The following CCDC146 variants were observed in gnomAD, a reference collection of about 807,000 sequenced individuals.
CCDC146 encodes coiled-coil domain-containing protein 146.
A neutral mutation model predicts 119.3 loss-of-function variants in CCDC146; 92 were observed. The observed-to-expected ratio is 0.77, with a 90% confidence interval of 0.65 to 0.92. The LOEUF (loss-of-function observed/expected upper bound fraction) is 0.92. Ranked by LOEUF, CCDC146 falls within the 40% of genes least tolerant of loss-of-function variation. The pLI, the probability that CCDC146 is intolerant of heterozygous loss-of-function variation, is 0.00. For missense variants in CCDC146, 1,000 were observed against 1,103.0 expected, an observed-to-expected ratio of 0.91 and a Z score of 1.32; for synonymous variants, 372 against 371.8, an observed-to-expected ratio of 1.00 and a Z score of -0.01.
At chr7:77,215,083 G>A (rs1040593904) in intron 2 of CCDC146, among the ~76,000 whole-genome samples, 10 of 152,166 alleles carry the variant, frequency 6.6e-5, no homozygotes, top group Admixed American at 5.2e-4. Flanking sequence ...TTACCCTGCT[G>A]TAGAGGCATG....
chr7:77,215,978 T>C (rs1239569151), intron 2 of CCDC146, among the ~76,000 whole-genome samples: 1 of 152,124 alleles, frequency 6.6e-6, no homozygotes, highest in African/African-American at 2.4e-5. Context: ...ATTTAAAGAA[T>C]TCTAGCTTGT....
intron 2 of CCDC146, among the ~76,000 whole-genome samples, chr7:77,212,371 C>A (rs1792201190): frequency 1.3e-5 from 2 of 151,932 alleles, no homozygotes; most frequent in African/African-American, 4.8e-5. Context: ...CCTGTAATCC[C>A]AGCACTTTAG....
At chr7:77,251,072 AG>A in intron 4 of CCDC146, among the ~76,000 whole-genome samples, 1 of 150,064 alleles carries the variant, frequency 6.7e-6, no homozygotes, top group South Asian at 2.1e-4. Context: ...TCCAGGCTGG[AG>A]TACAGTGGCA....
intron 2 of CCDC146, among the ~76,000 whole-genome samples, chr7:77,221,833 C>T (rs1792409626): frequency 6.6e-6 from 1 of 152,156 alleles, no homozygotes; most frequent in African/African-American, 2.4e-5. Flanking sequence ...CAGGATCTAT[C>T]AAGTGAACAA....
intron 2 of CCDC146, chr7:77,199,751 C>T (rs1428119829): frequency 6.2e-7 from 1 of 1,613,974 alleles, no homozygotes; most frequent in African/African-American, 1.3e-5. Context: ...CCGTAAGTGG[C>T]AAGAACAGCT....
Position 77,145,723 on chromosome 7 carries a change from C to T in CCDC146, c.-11-21935C>T, listed in dbSNP as rs11972284. ...GTTGTTCAGTTTCCATGTAGTTGAG[C>T]GGTTTTGAGTGAGTTTCTTAATCCT... On this transcript the variant is annotated intron_variant, in intron 1 of 18. Transcript: ENST00000285871. Among the ~76,000 whole-genome samples the T allele has an allele frequency of 7.3e-3, 1,102 of 151,102 alleles. 14 individuals carry two copies. Among genetic ancestry groups the T allele is most frequent in the African/African-American group, 0.025 (1,028 of 40,508 alleles).
chr7:77,261,084 C>A (rs1793287557), intron 8 of CCDC146, among the ~76,000 whole-genome samples: 1 of 151,154 alleles, frequency 6.6e-6, no homozygotes, highest in Non-Finnish European at 1.5e-5. Context: ...ATTTATGATT[C>A]CAACATGAGA....
At chr7:77,161,616 G>T (rs534637837) in intron 1 of CCDC146, among the ~76,000 whole-genome samples, 1 of 130,300 alleles carries the variant, frequency 7.7e-6, no homozygotes, top group Non-Finnish European at 1.6e-5. Context: ...GAAGGGGAAC[G>T]TCACACTCTG....
chr7:77,160,402 C>T (rs1419691135), intron 1 of CCDC146, among the ~76,000 whole-genome samples: 1 of 152,184 alleles, frequency 6.6e-6, no homozygotes, highest in Non-Finnish European at 1.5e-5. Context: ...TACCCATGAG[C>T]ATGGAATGTT....
chr7:77,125,707 CAA>C (rs1355860237), intron 1 of CCDC146, among the ~76,000 whole-genome samples: 1 of 151,952 alleles, frequency 6.6e-6, no homozygotes, highest in Non-Finnish European at 1.5e-5. Flanking sequence ...GTAACCAAAA[CAA>C]AGAATTCAGC....
At chr7:77,191,345 C>T (rs1437008433) in intron 2 of CCDC146, among the ~76,000 whole-genome samples, 4 of 152,070 alleles carry the variant, frequency 2.6e-5, no homozygotes, top group African/African-American at 4.8e-5. Context: ...CTCTCATATC[C>T]GCAGATTTGA....
intron 1 of CCDC146, among the ~76,000 whole-genome samples, chr7:77,156,359 G>A (rs1454443869): frequency 1.3e-5 from 2 of 152,004 alleles, no homozygotes; most frequent in Middle Eastern, 6.8e-3. Context: ...TACTGCAAGA[G>A]TTTTCATTTT....
At chr7:77,291,486 C>A (rs991021956) in intron 17 of CCDC146, among the ~76,000 whole-genome samples, 2 of 151,886 alleles carry the variant, frequency 1.3e-5, no homozygotes, top group African/African-American at 2.4e-5. Context: ...GGGTAGATTG[C>A]GTGAGCTCAG....
chr7:77,213,018 T>C (rs1792218771), intron 2 of CCDC146, among the ~76,000 whole-genome samples: 1 of 151,746 alleles, frequency 6.6e-6, no homozygotes, highest in African/African-American at 2.4e-5. Flanking sequence ...TTTTTGTTGT[T>C]GTTCAAGTTT....
chr7:77,230,516 G>GTC (rs2150474962), intron 2 of CCDC146, among the ~76,000 whole-genome samples: 1 of 152,052 alleles, frequency 6.6e-6, no homozygotes, highest in Non-Finnish European at 1.5e-5. Context: ...GTGTGTGTGT[G>GTC]TGTCTGTTTT....
rs567093517 is a variant in CCDC146 at position 77,152,854 on chromosome 7, C to T, written c.-11-14804C>T. Reference sequence around the variant, plus strand: ...TATGTATGAAATAAAAAGAACAAGGCACTGGTGGGAGGAAGCTGACATTTA... The same window carrying T: ...TATGTATGAAATAAAAAGAACAAGGTACTGGTGGGAGGAAGCTGACATTTA... On this transcript the variant is annotated intron_variant, in intron 1 of 18. Transcript: ENST00000285871. 2.0e-5 allele frequency among the ~76,000 whole-genome samples: 3 copies of T among 152,284 alleles called. No homozygotes were observed. The South Asian group carries it at 6.2e-4, about 32-fold the overall frequency.
intron 3 of CCDC146, among the ~76,000 whole-genome samples, chr7:77,238,192 C>T (rs1390808223): frequency 6.6e-6 from 1 of 152,154 alleles, no homozygotes; most frequent in Non-Finnish European, 1.5e-5. Context: ...TCCTCACCCC[C>T]ACACCTAATG....
chr7:77,172,254 A>T (rs1465572320), intron 2 of CCDC146, among the ~76,000 whole-genome samples: 1 of 152,234 alleles, frequency 6.6e-6, no homozygotes, highest in Non-Finnish European at 1.5e-5. Flanking sequence ...TCTAAAATTT[A>T]TGGGTCTCAC....
chr7:77,204,727 A>T (rs570082018), intron 2 of CCDC146, among the ~76,000 whole-genome samples: 1 of 152,290 alleles, frequency 6.6e-6, no homozygotes, highest in African/African-American at 2.4e-5. Flanking sequence ...ATTCTTATGT[A>T]CTCCACACCA....
Sources: gnomAD v4.1 joint callset for allele counts (sites outside exome capture counted in the v4.1 genomes callset) on GRCh38, gnomAD v4.1.1 for gene constraint, MANE v1.5 for transcripts, NCBI Gene and HGNC (gene_info 2026-07-23, HGNC 2026-07-21) for gene names.